The following WDR64 variants were observed in gnomAD, a reference collection of about 807,000 sequenced individuals.
WDR64 encodes WD repeat domain 64.
A neutral mutation model predicts 139.3 loss-of-function variants in WDR64; 112 were observed. The ratio of observed to expected loss-of-function variants is 0.80; its 90% CI spans 0.69 to 0.94. The LOEUF is 0.94. WDR64 is among the 40% of genes least tolerant of loss of function. The pLI is 0.00. For synonymous variants in WDR64, 444 were observed against 437.7 expected (o/e 1.01, Z -0.18); for missense variants, 1,206 against 1,293.1 (o/e 0.93, Z 1.03).
intron 9 of WDR64, among the ~76,000 whole-genome samples, chr1:241,716,277 GC>G (rs1258244019): frequency 1.1e-5 from 1 of 92,042 alleles, no homozygotes; most frequent in Non-Finnish European, 2.2e-5. Context: ...AAAAGCACAA[GC>G]TTTTGCAGGA....
chr1:241,776,605 TTATC>T (rs1239926745), intron 21 of WDR64, among the ~76,000 whole-genome samples: 2 of 152,236 alleles, frequency 1.3e-5, no homozygotes, highest in East Asian at 1.9e-4. Context: ...TGATTTTCGC[TTATC>T]TATCAATCTG....
chr1:241,730,629 G>A (rs988213949), intron 10 of WDR64, among the ~76,000 whole-genome samples: 1 of 152,016 alleles, frequency 6.6e-6, no homozygotes, highest in Non-Finnish European at 1.5e-5. Context: ...ATTGTTTCTT[G>A]GCTGGTAAAC....
In WDR64 at chr1:241,741,515, G is replaced by C; in HGVS notation, c.1322-1G>C. 6.3e-7 allele frequency: 1 copy of C among 1,591,272 alleles called. No individual in the cohort carries two copies. The highest frequency in any genetic ancestry group is 8.5e-7 in the Non-Finnish European group (1 of 1,173,010). ...TTATGAGATTCTTACTTCTGTTCCA[G>C]GATCTAGTGTTATGGACATGTATCC... On this transcript the variant is annotated splice_acceptor_variant, in intron 11 of 27. Coordinates refer to ENST00000437684, the MANE Select transcript of WDR64 (RefSeq NM_001367482.1). LOFTEE classifies it high-confidence loss of function.
intron 2 of WDR64, among the ~76,000 whole-genome samples, chr1:241,663,451 C>T (rs1665912614): frequency 6.6e-6 from 1 of 152,230 alleles, no homozygotes; most frequent in Admixed American, 6.5e-5. Flanking sequence ...CCCCTCAGAA[C>T]TAGAGGTGTA....
Position 241,652,342 on chromosome 1 carries a change from C to A in WDR64, c.-143C>A. ...GTGGCAACTCTTACTCCTACCCGCA[C>A]TATGGGATTTTAAGATCAAAGGAAT... On this transcript the variant is annotated 5_prime_UTR_variant, in exon 1 of 28. Transcript: ENST00000437684. 1 of 808,950 alleles carries A rather than the reference C, an allele frequency of 1.2e-6. No individual in the cohort carries two copies. Among genetic ancestry groups the A allele is most frequent in the Non-Finnish European group, 1.9e-6 (1 of 525,986 alleles). 50.1% of individuals were successfully genotyped at this position (808,950 alleles called of 1,614,324 possible). A position where few individuals can be genotyped will look rare whatever the true frequency, so the allele number is the denominator to read the frequency against.
At chr1:241,738,570 T>C in intron 11 of WDR64, 81 bp downstream of exon 11, 1 of 1,427,394 alleles carries the variant, frequency 7.0e-7, no homozygotes, top group Non-Finnish European at 9.3e-7. Context: ...GAGCACTAAC[T>C]ACAAGGAAAA....
chr1:241,801,834 G>C lies in WDR64; in HGVS notation c.*619G>C. ...AGAAATAGAAAAAGCATAGTAACAT[G>C]GTAGATTTAACCTTAAATATATCAA... On this transcript the variant is annotated 3_prime_UTR_variant, in exon 28 of 28. Transcript: ENST00000437684. 5.0e-6 allele frequency: 2 copies of C among 397,972 alleles called. No homozygotes were observed. Among genetic ancestry groups the C allele is most frequent in the Non-Finnish European group, 8.9e-6 (2 of 225,858 alleles). The allele number at this position is 397,972 out of a possible 1,614,324, so 24.7% of individuals were successfully genotyped here.
At chr1:241,795,058 ATTATT>A in intron 25 of WDR64, 144 bp from the exon 26 acceptor site, 1 of 627,918 alleles carries the variant, frequency 1.6e-6, no homozygotes, top group Non-Finnish European at 2.8e-6. Flanking sequence ...TGCTATACAT[ATTATT>A]TATTTGATTC....
intron 10 of WDR64, among the ~76,000 whole-genome samples, chr1:241,724,295 T>C (rs574005944): frequency 1.6e-3 from 238 of 152,192 alleles, no homozygotes; most frequent in Non-Finnish European, 2.8e-3. Flanking sequence ...TACTGGTATA[T>C]AGGAATATCC....
At chr1:241,774,497 T>C (rs1377314782) in intron 20 of WDR64, among the ~76,000 whole-genome samples, 1 of 152,228 alleles carries the variant, frequency 6.6e-6, no homozygotes, top group African/African-American at 2.4e-5. Context: ...ATGTTGATGA[T>C]GTTTATTCTC....
chr1:241,755,990 G>A lies in WDR64; in HGVS notation c.1771-1293G>A, dbSNP rs917344943. 3.9e-5 allele frequency among the ~76,000 whole-genome samples: 6 copies of A among 152,142 alleles called. No individual in the cohort carries two copies. In the East Asian group the frequency reaches 7.7e-4, roughly 20 times the overall value. ...CCTTGTAGTATAGTTCAAAGTCAGG[G>A]AGTGTGATGCCTCCAGCTTTGTTCT... is the stretch of plus-strand genomic sequence containing the variant. On this transcript the variant is annotated intron_variant, in intron 14 of 27. Coordinates refer to ENST00000437684, the MANE Select transcript of WDR64 (RefSeq NM_001367482.1).
intron 8 of WDR64, among the ~76,000 whole-genome samples, chr1:241,697,270 T>TG (rs1667530537): frequency 6.6e-6 from 1 of 152,212 alleles, no homozygotes; most frequent in Admixed American, 6.5e-5. Flanking sequence ...ATGAAAAACC[T>TG]GGAGCCTCAA....
At chr1:241,681,067 G>A (rs866364908) in intron 6 of WDR64, among the ~76,000 whole-genome samples, 1 of 151,868 alleles carries the variant, frequency 6.6e-6, no homozygotes, top group African/African-American at 2.4e-5. Flanking sequence ...TCTTGGCCAG[G>A]ACAAGGCTCT....
At position 241,801,198 on chromosome 1, in the gene WDR64, C is replaced by T; in HGVS notation, c.3259C>T (p.Pro1087Ser). 6.2e-7 allele frequency: 1 copy of T among 1,613,452 alleles called. No individual in the cohort carries two copies. The highest frequency in any genetic ancestry group is 8.5e-7 in the Non-Finnish European group (1 of 1,179,694). The change falls in exon 28 of 28, where the codon CCA becomes TCA. Residue 1087 changes from proline to serine, a missense_variant. Transcript: ENST00000437684. ...AATAAATCTGGCTTCTTCCTTCTTCCCAGCTATACCCAAGTAAGGAGAAAA... is the reference window on the plus strand; with the variant it reads ...AATAAATCTGGCTTCTTCCTTCTTCTCAGCTATACCCAAGTAAGGAGAAAA... ...PQINLASSFFPAIPK is the reference protein window; with the variant it reads ...PQINLASSFFSAIPK
intron 2 of WDR64, among the ~76,000 whole-genome samples, chr1:241,665,724 A>G (rs1666002386): frequency 6.6e-6 from 1 of 152,186 alleles, no homozygotes; most frequent in Non-Finnish European, 1.5e-5. Flanking sequence ...GTTAATGGAA[A>G]AGTCTGGTGC....
At chr1:241,675,334 G>A (rs1666510361) in intron 4 of WDR64, among the ~76,000 whole-genome samples, 1 of 125,678 alleles carries the variant, frequency 8.0e-6, no homozygotes, top group African/African-American at 3.1e-5. Context: ...CTCTTTTTTG[G>A]TTTGTCTCTG....
intron 22 of WDR64, among the ~76,000 whole-genome samples, chr1:241,782,893 G>T (rs1364930827): frequency 6.6e-6 from 1 of 151,970 alleles, no homozygotes; most frequent in Non-Finnish European, 1.5e-5. Flanking sequence ...TTACCTTCCA[G>T]CTCTGTTTCC....
rs1473882435 is a variant in WDR64, at chr1:241,708,702, T to TG, written c.975-3100_975-3099insG. ...GGGCTGAGGTCCATGGTTTTTTTTT[T>TG]TGTTTTTTTGTTTTTTTTTTTAAGG... On this transcript the variant is annotated intron_variant, in intron 8 of 27. Coordinates refer to ENST00000437684, the MANE Select transcript of WDR64 (RefSeq NM_001367482.1). Among the ~76,000 whole-genome samples the TG allele has an allele frequency of 3.4e-4, 22 of 63,898 alleles. 2 individuals carry two copies. Among genetic ancestry groups the TG allele is most frequent in the African/African-American group, 1.7e-3 (21 of 12,480 alleles). 41.9% of individuals were successfully genotyped at this position (63,898 alleles called of 152,430 possible).
intron 18 of WDR64, 37 bp from the exon 19 acceptor site, chr1:241,771,624 T>A (rs1233554076): frequency 6.9e-7 from 1 of 1,451,624 alleles, no homozygotes; most frequent in African/African-American, 1.4e-5. Context: ...TCTTACAATG[T>A]CATGGAAGTC....
Sources: allele counts gnomAD v4.1 joint callset (sites outside exome capture counted in the v4.1 genomes callset), GRCh38; gene constraint gnomAD v4.1.1; transcripts MANE v1.5; gene names NCBI Gene and HGNC (gene_info 2026-07-23, HGNC 2026-07-21).